The following LRCH1 variants were observed in gnomAD, a reference collection of about 807,000 sequenced individuals.
LRCH1 encodes leucine-rich repeat and calponin homology domain-containing protein 1.
LRCH1 carries 23 observed loss-of-function variants against 94.9 expected under a neutral mutation model. The observed-to-expected ratio is 0.24, with a 90% CI of 0.17 to 0.34. The LOEUF (loss-of-function observed/expected upper bound fraction) is 0.34, where lower values mean the gene tolerates loss of function less well. LRCH1 is among the 10% of genes least tolerant of loss of function. The pLI is 1.00. For synonymous variants in LRCH1, 364 were observed against 354.9 expected (o/e 1.03, Z -0.29); for missense variants, 790 against 945.9 (o/e 0.84, Z 2.16).
chr13:46,609,653 T>G (rs1397004673), intron 1 of LRCH1, among the ~76,000 whole-genome samples: 1 of 152,218 alleles, frequency 6.6e-6, no homozygotes, highest in African/African-American at 2.4e-5. Flanking sequence ...AGTGAAGGTG[T>G]GTGTGTTAGG....
chr13:46,719,434 G>C (rs948984211), intron 16 of LRCH1, among the ~76,000 whole-genome samples: 1 of 152,196 alleles, frequency 6.6e-6, no homozygotes, highest in African/African-American at 2.4e-5. Flanking sequence ...TCTACTGTAA[G>C]ATAGAAAGTG....
Position 46,692,499 on chromosome 13 carries a change from C to A in LRCH1, c.1015-37C>A, listed in dbSNP as rs143340743. 81 of 1,407,688 alleles carry A rather than the reference C, an allele frequency of 5.8e-5. 1 individual carries two copies. In the African/African-American group the frequency reaches 9.3e-4, roughly 16 times the overall value. The allele number at this position is 1,407,688 out of a possible 1,614,324, so 87.2% of individuals were successfully genotyped here. On this transcript the variant is annotated intron_variant, in intron 7 of 19. Coordinates refer to ENST00000389797, the MANE Select transcript of LRCH1 (RefSeq NM_001164211.2). ...ATTCTCCTTATCTACATTGATAACA[C>A]TTCTCTTGAGTTAAACAGTGCACTG...
chr13:46,562,043 T>C (rs1294233557), intron 1 of LRCH1, among the ~76,000 whole-genome samples: 1 of 152,210 alleles, frequency 6.6e-6, no homozygotes, highest in Non-Finnish European at 1.5e-5. Context: ...ATGGCTTCCA[T>C]GCCCAGGACA....
chr13:46,558,469 C>G lies in LRCH1; in HGVS notation c.307+4766C>G, dbSNP rs918401159. ...CCTGACAGTTGGCCGGGTGTGGTGACTCACACCTGTAATCCCAGCATTTTG... is the reference window on the plus strand; with the variant it reads ...CCTGACAGTTGGCCGGGTGTGGTGAGTCACACCTGTAATCCCAGCATTTTG... On this transcript the variant is annotated intron_variant, in intron 1 of 19. Coordinates refer to ENST00000389797, the MANE Select transcript of LRCH1 (RefSeq NM_001164211.2). Among the ~76,000 whole-genome samples the G allele has an allele frequency of 2.0e-5, 3 of 149,988 alleles. No individual in the cohort carries two copies. The Admixed American group carries it at 2.0e-4, about 10-fold the overall frequency.
At chr13:46,694,049 A>G (rs1871050232) in intron 8 of LRCH1, among the ~76,000 whole-genome samples, 1 of 152,226 alleles carries the variant, frequency 6.6e-6, no homozygotes, top group Non-Finnish European at 1.5e-5. Context: ...ACATAGCTGT[A>G]TGCTTTATAT....
chr13:46,689,515 G>A (rs985450005), intron 7 of LRCH1, among the ~76,000 whole-genome samples: 3 of 152,160 alleles, frequency 2.0e-5, no homozygotes, highest in South Asian at 2.1e-4. Context: ...TAAGTAGTAC[G>A]CAAGTGCCCG....
chr13:46,689,206 G>C lies in LRCH1; in HGVS notation c.1014+10G>C. The C allele has an allele frequency of 6.2e-7, 1 of 1,608,144 alleles. No homozygotes were observed. Among genetic ancestry groups the C allele is most frequent in the Non-Finnish European group, 8.5e-7 (1 of 1,175,860 alleles). ...ATTATCTGCCACCGAGGTAAAGTTA[G>C]TGATCAGATTCTTTTCCTTCTGTAC... On this transcript the variant is annotated intron_variant, in intron 7 of 19. Transcript: ENST00000389797.
At chr13:46,579,795 A>G (rs1035694845) in intron 1 of LRCH1, among the ~76,000 whole-genome samples, 1 of 152,244 alleles carries the variant, frequency 6.6e-6, no homozygotes, top group Non-Finnish European at 1.5e-5. Flanking sequence ...TAATTGAACA[A>G]AAATCTTGTT....
At chr13:46,608,528 A>C (rs2137997428) in intron 1 of LRCH1, among the ~76,000 whole-genome samples, 1 of 152,266 alleles carries the variant, frequency 6.6e-6, no homozygotes, top group East Asian at 1.9e-4. Flanking sequence ...GATAAACATG[A>C]TTTTGTTATC....
In LRCH1 at chr13:46,687,954, C is replaced by T. The variant is rs1419708522; in HGVS notation, c.925C>T (p.His309Tyr). The stretch of plus-strand genomic sequence containing the variant: ...TTATCTCCACACCATGGAGAGGCCA[C>T]ATTTACACCAGCACGTGGAAGATGG... ...SLYLHTMERP[H>Y]LHQHVEDGKK... is the part of the protein sequence containing the mutation. The change falls in exon 6 of 20, where the codon CAT (histidine) becomes TAT (tyrosine). Residue 309 changes from histidine to tyrosine, a missense_variant. Coordinates refer to ENST00000389797, the MANE Select transcript of LRCH1 (RefSeq NM_001164211.2). 5 of 1,612,008 alleles carry T rather than the reference C, an allele frequency of 3.1e-6. No homozygotes were observed. In the South Asian group the frequency reaches 4.4e-5, roughly 14 times the overall value.
rs749009940 is a variant in LRCH1, at chr13:46,733,966, T to C, written c.2053T>C (p.Leu685=). 2.3e-5 allele frequency: 37 copies of C among 1,605,362 alleles called. No homozygotes were observed. Among genetic ancestry groups the C allele is most frequent in the Admixed American group, 3.4e-5 (2 of 59,296 alleles). ...AKCRRNVENF[L]EACRKLGVPE... Reference sequence around the variant, plus strand: ...ATGCAGAAGAAATGTGGAAAACTTTTTGGAAGCATGCCGAAAATTAGGAGT... The same window carrying C: ...ATGCAGAAGAAATGTGGAAAACTTTCTGGAAGCATGCCGAAAATTAGGAGT... Residue 685 remains leucine (L), a synonymous_variant, in exon 19 of 20, where the codon TTG becomes CTG. Coordinates refer to ENST00000389797, the MANE Select transcript of LRCH1 (RefSeq NM_001164211.2).
At chr13:46,564,345 C>T (rs931645275) in intron 1 of LRCH1, among the ~76,000 whole-genome samples, 1 of 152,228 alleles carries the variant, frequency 6.6e-6, no homozygotes, top group African/African-American at 2.4e-5. Flanking sequence ...CAGACCTGGG[C>T]CTTCTTATTA....
intron 5 of LRCH1, 106 bp downstream of exon 5, chr13:46,686,147 C>A: frequency 8.7e-7 from 1 of 1,144,092 alleles, no homozygotes; most frequent in South Asian, 3.0e-5. Flanking sequence ...AATCACTAAT[C>A]ACTGGCAAGC....
In LRCH1 at chr13:46,701,223, TG is replaced by T; in HGVS notation, c.1400+18del. ...ATCCCAATGGGTGTGTATGTCTCCT[TG>T]GTCCAGGTTTCATGTGTAAATAATG... is the stretch of plus-strand genomic sequence containing the variant. On this transcript the variant is annotated intron_variant, in intron 11 of 19. Transcript: ENST00000389797. 6.3e-7 allele frequency: 1 copy of T among 1,575,388 alleles called. No homozygotes were observed. Among genetic ancestry groups the T allele is most frequent in the South Asian group, 1.1e-5 (1 of 90,074 alleles).
intron 1 of LRCH1, among the ~76,000 whole-genome samples, chr13:46,604,971 AG>A (rs2137990223): frequency 6.6e-6 from 1 of 152,332 alleles, no homozygotes; most frequent in East Asian, 1.9e-4. Context: ...AGATGAGAAA[AG>A]TCCATCTGAT....
At chr13:46,726,962 A>C (rs1264327487) in intron 17 of LRCH1, among the ~76,000 whole-genome samples, 4 of 152,112 alleles carry the variant, frequency 2.6e-5, no homozygotes, top group Non-Finnish European at 1.5e-5. Flanking sequence ...TCCACTGCAA[A>C]TCCTTCATCA....
At chr13:46,562,212 C>A (rs60945943) in intron 1 of LRCH1, among the ~76,000 whole-genome samples, 1 of 152,182 alleles carries the variant, frequency 6.6e-6, no homozygotes, top group Non-Finnish European at 1.5e-5. Flanking sequence ...GCTGATTTTT[C>A]TCACATAGCC....
chr13:46,560,407 G>A (rs140629258), intron 1 of LRCH1, among the ~76,000 whole-genome samples: 3 of 152,154 alleles, frequency 2.0e-5, no homozygotes, highest in East Asian at 3.9e-4. Context: ...AAAATTGAAC[G>A]TCTGTCTTGG....
intron 1 of LRCH1, among the ~76,000 whole-genome samples, chr13:46,599,717 T>G (rs1446336948): frequency 1.3e-5 from 2 of 152,202 alleles, no homozygotes; most frequent in African/African-American, 2.4e-5. Flanking sequence ...GCCCCTCAAT[T>G]ATGTAGGTAG....
Sources: allele counts gnomAD v4.1 joint callset (sites outside exome capture counted in the v4.1 genomes callset), GRCh38; gene constraint gnomAD v4.1.1; transcripts MANE v1.5; gene names NCBI Gene and HGNC (gene_info 2026-07-23, HGNC 2026-07-21).